Variants in SNX25 observed in about 807,000 individuals in gnomAD.
The protein encoded by SNX25 is sorting nexin-25.
A neutral mutation model predicts 113.7 loss-of-function variants in SNX25; 62 were observed. That is an observed-to-expected ratio of 0.55 (90% CI 0.44 to 0.67). SNX25 has a LOEUF of 0.67. SNX25 is among the 30% of genes least tolerant of loss of function. SNX25 has a pLI of 0.00. For missense variants in SNX25, 1,014 were observed against 1,161.0 expected, an observed-to-expected ratio of 0.87 and a Z score of 1.84; for synonymous variants, 421 against 436.2, an observed-to-expected ratio of 0.97 and a Z score of 0.43.
chr4:185,285,682 A>G (rs1751244816), intron 5 of SNX25, among the ~76,000 whole-genome samples: 1 of 152,138 alleles, frequency 6.6e-6, no homozygotes, highest in Admixed American at 6.5e-5. Context: ...ATGTCCTGAG[A>G]TTGGTAGTTA....
At chr4:185,319,193 CTTTTTTTTTT>C (rs143650995) in intron 7 of SNX25, among the ~76,000 whole-genome samples, 16 of 85,944 alleles carry the variant, frequency 1.9e-4, no homozygotes, top group East Asian at 6.3e-4. Context: ...TGAGAAAGTC[CTTTTTTTTTT>C]TTTTTTTTTT....
intron 1 of SNX25, among the ~76,000 whole-genome samples, chr4:185,216,195 C>T (rs1738779637): frequency 6.6e-6 from 1 of 152,142 alleles, no homozygotes; most frequent in South Asian, 2.1e-4. Flanking sequence ...AAAACATCTT[C>T]CCTCTAGGCA....
intron 1 of SNX25, among the ~76,000 whole-genome samples, chr4:185,246,053 G>A (rs1320881487): frequency 3.9e-5 from 6 of 152,140 alleles, no homozygotes; most frequent in Admixed American, 1.3e-4. Context: ...TTGGGAGGCC[G>A]AGGCAGGTGA....
intron 15 of SNX25, among the ~76,000 whole-genome samples, chr4:185,354,267 A>G (rs2095329528): frequency 6.6e-6 from 1 of 152,230 alleles, no homozygotes; most frequent in Admixed American, 6.5e-5. Flanking sequence ...TTAGCACAGA[A>G]GAATCCTGTT....
intron 13 of SNX25, among the ~76,000 whole-genome samples, chr4:185,349,083 G>T (rs2095302612): frequency 6.6e-6 from 1 of 152,038 alleles, no homozygotes; most frequent in Non-Finnish European, 1.5e-5. Flanking sequence ...ATATCGGGGG[G>T]TTCGATCTTT....
intron 2 of SNX25, among the ~76,000 whole-genome samples, chr4:185,253,630 G>A (rs1032746782): frequency 2.0e-5 from 3 of 151,954 alleles, no homozygotes; most frequent in East Asian, 3.9e-4. Context: ...TACCACGCCC[G>A]GCTAATTTTT....
chr4:185,319,030 C>T (rs557790371), intron 7 of SNX25, among the ~76,000 whole-genome samples: 2 of 151,612 alleles, frequency 1.3e-5, no homozygotes, highest in African/African-American at 2.4e-5. Flanking sequence ...GTTTGGAACA[C>T]GTGGATTACC....
intron 15 of SNX25, among the ~76,000 whole-genome samples, chr4:185,356,997 G>A (rs1016667895): frequency 9.2e-5 from 14 of 152,118 alleles, no homozygotes; most frequent in African/African-American, 1.4e-4. Context: ...TCTCACACAC[G>A]GGGAAAGACC....
chr4:185,224,976 G>C (rs1004589265), intron 1 of SNX25, among the ~76,000 whole-genome samples: 1 of 151,962 alleles, frequency 6.6e-6, no homozygotes, highest in Admixed American at 6.6e-5. Flanking sequence ...AAGTCATTCA[G>C]AGTGTCAGGG....
At chr4:185,212,494 T>TC (rs1553980614) in intron 1 of SNX25, among the ~76,000 whole-genome samples, 2 of 133,764 alleles carry the variant, frequency 1.5e-5, no homozygotes, top group African/African-American at 6.7e-5. Context: ...TGTGTGTGTT[T>TC]TTTTTTTTTT....
downstream of SNX25, chr4:185,374,134 C>T: frequency 6.2e-7 from 1 of 1,612,058 alleles, no homozygotes; most frequent in Non-Finnish European, 8.5e-7. Flanking sequence ...GGGAACGTTA[C>T]CTTTTCTAAC....
At chr4:185,257,845 C>A (rs1486640751) in intron 2 of SNX25, among the ~76,000 whole-genome samples, 5 of 152,186 alleles carry the variant, frequency 3.3e-5, no homozygotes, top group African/African-American at 1.2e-4. Context: ...AAGAAGGCGA[C>A]TGGCCACAGG....
At chr4:185,254,233 C>T (rs1381738988) in intron 2 of SNX25, among the ~76,000 whole-genome samples, 2 of 152,054 alleles carry the variant, frequency 1.3e-5, no homozygotes, top group African/African-American at 2.4e-5. Context: ...CTATCAATCA[C>T]ATAAACTAAT....
the SNX25 span, among the ~76,000 whole-genome samples, chr4:185,376,573 C>T: frequency 5.3e-5 from 8 of 151,428 alleles, no homozygotes; most frequent in South Asian, 2.1e-4. Context: ...GGATTACAGG[C>T]GTGAGCCACC....
At chr4:185,285,731 G>T (rs1047852701) in intron 5 of SNX25, among the ~76,000 whole-genome samples, 10 of 152,134 alleles carry the variant, frequency 6.6e-5, no homozygotes. Context: ...TTGGAACCCT[G>T]AACTCCTCCC....
chr4:185,302,386 G>A (rs1262596424), intron 6 of SNX25, among the ~76,000 whole-genome samples: 1 of 152,142 alleles, frequency 6.6e-6, no homozygotes, highest in Non-Finnish European at 1.5e-5. Flanking sequence ...TTGTAGGGGG[G>A]CAGTCTTGGG....
intron 3 of SNX25, among the ~76,000 whole-genome samples, chr4:185,261,154 GTGTA>G (rs1260760802): frequency 9.2e-5 from 13 of 141,770 alleles, no homozygotes; most frequent in African/African-American, 1.6e-4. Context: ...GTGTGTGTGT[GTGTA>G]TGTATGTATA....
At chr4:185,204,629 AG>A (rs1737106830), upstream of SNX25, among the ~76,000 whole-genome samples, 1 of 152,256 alleles carries the variant, frequency 6.6e-6, no homozygotes, top group Non-Finnish European at 1.5e-5. Flanking sequence ...TGTGGCAGAC[AG>A]GATTTAGCTG....
chr4:185,300,852 C>T (rs1348282724), intron 6 of SNX25, among the ~76,000 whole-genome samples: 1 of 151,538 alleles, frequency 6.6e-6, no homozygotes, highest in Non-Finnish European at 1.5e-5. Flanking sequence ...CACACACACA[C>T]ACACACACAC....
Sources: allele counts gnomAD v4.1 joint callset (sites outside exome capture counted in the v4.1 genomes callset), GRCh38; gene constraint gnomAD v4.1.1; transcripts MANE v1.5; gene names NCBI Gene and HGNC (gene_info 2026-07-23, HGNC 2026-07-21).